PCDHA4: variants seen among roughly 807,000 people sequenced by gnomAD.
PCDHA4 encodes the protein protocadherin alpha-4.
In PCDHA4, 49 loss-of-function variants were observed where a neutral mutation model predicts 61.4. The ratio of observed to expected loss-of-function variants is 0.80; its 90% confidence interval spans 0.63 to 1.01. The LOEUF (loss-of-function observed/expected upper bound fraction) is 1.01, where lower values mean the gene tolerates loss of function less well. PCDHA4 is among the 50% of genes least tolerant of loss of function. The pLI, the probability that PCDHA4 is intolerant of heterozygous loss-of-function variation, is 0.00. For synonymous variants in PCDHA4, 590 were observed against 550.3 expected, an observed-to-expected ratio of 1.07 and a Z score of -1.01; for missense variants, 1,254 against 1,235.8, an observed-to-expected ratio of 1.01 and a Z score of -0.22.
chr5:140,836,438 C>T (rs2150261079), intron 1 of PCDHA4: 1 of 1,613,840 alleles, frequency 6.2e-7, no homozygotes, highest in African/African-American at 1.3e-5. Context: ...CATCGTTGGG[C>T]ATTGCAGGCC....
At chr5:140,817,480 C>T (rs1051531219) in intron 1 of PCDHA4, 1 of 152,168 alleles carries the variant, frequency 6.6e-6, no homozygotes, top group African/African-American at 2.4e-5. Flanking sequence ...CCTCTGTTAT[C>T]TTTTTAAGCT....
chr5:140,836,577 T>C lies in PCDHA4; in HGVS notation c.2385+27005T>C. ...CTCAGCGCCGTCCTCTGAGGGCGCA[T>C]GTAGTTTGGTAAAGCCCACTCTGGT... is the stretch of plus-strand genomic sequence containing the variant. On this transcript the variant is annotated intron_variant, in intron 1 of 3. Transcript: ENST00000530339. 1 of 1,613,654 alleles carries C rather than the reference T, an allele frequency of 6.2e-7. No homozygotes were observed. The highest frequency in any genetic ancestry group is 8.5e-7 in the Non-Finnish European group (1 of 1,179,798).
intron 1 of PCDHA4, chr5:140,851,981 G>A: frequency 1.0e-6 from 1 of 976,468 alleles, no homozygotes; most frequent in Non-Finnish European, 1.2e-6. Flanking sequence ...TACCTTTAGT[G>A]CAAGCTATTT....
rs1554150747 is a variant in PCDHA4, at chr5:140,857,851, A to G, written c.2385+48279A>G. 5 of 1,597,646 alleles carry G rather than the reference A, an allele frequency of 3.1e-6. 1 individual carries two copies. Among genetic ancestry groups the G allele is most frequent in the Non-Finnish European group, 4.3e-6 (5 of 1,167,500 alleles). ...TGCGCGCAGTGGACGCTGACTCTGG[A>G]TACAACGCGTGGCTGTCGTATGAAT... On this transcript the variant is annotated intron_variant, in intron 1 of 3. Transcript: ENST00000530339.
intron 1 of PCDHA4, among the ~76,000 whole-genome samples, chr5:140,831,996 A>G (rs1771793071): frequency 6.6e-6 from 1 of 152,198 alleles, no homozygotes; most frequent in Non-Finnish European, 1.5e-5. Context: ...CGGATTCCAT[A>G]TTGTTTTCAT....
chr5:140,927,342 T>TGAC (rs1554204398), intron 1 of PCDHA4: 2 of 1,614,160 alleles, frequency 1.2e-6, no homozygotes, highest in Admixed American at 3.3e-5. Flanking sequence ...ATGCCCAAGA[T>TGAC]GACGACGAGG....
intron 1 of PCDHA4, chr5:140,822,473 A>G: frequency 1.2e-6 from 2 of 1,613,830 alleles, no homozygotes; most frequent in Non-Finnish European, 1.7e-6. Context: ...AATGTATTGG[A>G]TGCTAATGAT....
intron 1 of PCDHA4, among the ~76,000 whole-genome samples, chr5:140,881,757 A>T (rs1238055344): frequency 6.6e-6 from 1 of 152,166 alleles, no homozygotes; most frequent in African/African-American, 2.4e-5. Flanking sequence ...TACCACAAAA[A>T]CCTACATGAC....
intron 1 of PCDHA4, among the ~76,000 whole-genome samples, chr5:140,951,349 T>C (rs1403359324): frequency 1.3e-5 from 2 of 152,144 alleles, no homozygotes; most frequent in Non-Finnish European, 2.9e-5. Flanking sequence ...GTTAGTCCAT[T>C]ATTGCACTGT....
intron 1 of PCDHA4, among the ~76,000 whole-genome samples, chr5:140,838,676 C>T (rs1236293841): frequency 6.6e-6 from 1 of 152,090 alleles, no homozygotes; most frequent in East Asian, 1.9e-4. Flanking sequence ...TGGCACACAC[C>T]TTTAACCCCA....
chr5:140,978,544 A>G (rs2096808919), intron 1 of PCDHA4, among the ~76,000 whole-genome samples: 1 of 152,234 alleles, frequency 6.6e-6, no homozygotes, highest in Non-Finnish European at 1.5e-5. Context: ...TTGTGTAGCC[A>G]TGTGCCCTGT....
intron 1 of PCDHA4, chr5:140,824,609 A>AAT (rs1554129932): frequency 1.3e-5 from 1 of 76,914 alleles, no homozygotes; most frequent in Non-Finnish European, 2.4e-5. Context: ...TGCTAATTAA[A>AAT]GTTTTTTTTT....
chr5:140,887,321 C>A (rs1277860165), intron 1 of PCDHA4, among the ~76,000 whole-genome samples: 4 of 152,150 alleles, frequency 2.6e-5, no homozygotes, highest in Non-Finnish European at 5.9e-5. Flanking sequence ...TAGTCTCGAA[C>A]TCCTGACCTC....
At chr5:140,819,969 G>A (rs1766662256) in intron 1 of PCDHA4, among the ~76,000 whole-genome samples, 1 of 151,792 alleles carries the variant, frequency 6.6e-6, no homozygotes, top group South Asian at 2.1e-4. Flanking sequence ...TTTTTTCAAA[G>A]GTTATCTTTG....
intron 1 of PCDHA4, chr5:140,850,680 G>T: frequency 6.3e-7 from 1 of 1,598,518 alleles, no homozygotes; most frequent in Non-Finnish European, 8.6e-7. Flanking sequence ...GATGCCCACC[G>T]AGGGCGAGTG....
At chr5:141,006,375 CTAAG>C (rs2098270775) in intron 3 of PCDHA4, among the ~76,000 whole-genome samples, 1 of 151,930 alleles carries the variant, frequency 6.6e-6, no homozygotes, top group Admixed American at 6.6e-5. Flanking sequence ...CCACGCCCGG[CTAAG>C]TTTTTTCTAT....
chr5:140,819,353 T>G (rs1766541338), intron 1 of PCDHA4, among the ~76,000 whole-genome samples: 1 of 152,170 alleles, frequency 6.6e-6, no homozygotes, highest in African/African-American at 2.4e-5. Context: ...CTTATGAAGA[T>G]TAAATTTTCT....
At chr5:141,003,676 C>T (rs2098133802) in intron 3 of PCDHA4, among the ~76,000 whole-genome samples, 2 of 152,124 alleles carry the variant, frequency 1.3e-5, no homozygotes, top group East Asian at 1.9e-4. Context: ...ATATGTTGTT[C>T]TGATTTTAAA....
intron 3 of PCDHA4, among the ~76,000 whole-genome samples, chr5:140,998,401 CA>C (rs2097811473): frequency 6.6e-6 from 1 of 152,108 alleles, no homozygotes; most frequent in African/African-American, 2.4e-5. Context: ...ATCTTTATGC[CA>C]AAGTTTATCT....
Sources: allele counts gnomAD v4.1 joint callset (sites outside exome capture counted in the v4.1 genomes callset), GRCh38; gene constraint gnomAD v4.1.1; transcripts MANE v1.5; gene names NCBI Gene and HGNC (gene_info 2026-07-23, HGNC 2026-07-21).